TJP2: variants seen among roughly 807,000 people sequenced by gnomAD.
TJP2 encodes tight junction protein 2.
A neutral mutation model predicts 133.1 loss-of-function variants in TJP2; 91 were observed. The ratio of observed to expected loss-of-function variants is 0.68; its 90% CI spans 0.58 to 0.81. The LOEUF is 0.81. Among genes scored for constraint, TJP2 ranks in the 40% least tolerant of loss-of-function variants. The pLI, the probability that TJP2 is intolerant of heterozygous loss-of-function variation, is 0.00. For missense variants in TJP2, 1,541 were observed against 1,565.6 expected (o/e 0.98, Z 0.26); for synonymous variants, 592 against 583.4 (o/e 1.01, Z -0.21).
At chr9:69,250,929 A>T in intron 20 of TJP2, 106 bp from the exon 21 acceptor site, 1 of 1,179,964 alleles carries the variant, frequency 8.5e-7, no homozygotes, top group Non-Finnish European at 1.3e-6. Context: ...GTATTTGTGG[A>T]CCACCTTTGG....
chr9:69,177,500 T>C (rs1825181626), intron 1 of TJP2, among the ~76,000 whole-genome samples: 1 of 152,162 alleles, frequency 6.6e-6, no homozygotes. Context: ...TAGATGCCCA[T>C]ATAGAAAGTG....
chr9:69,190,780 C>A (rs1235913252), intron 1 of TJP2, among the ~76,000 whole-genome samples: 1 of 152,200 alleles, frequency 6.6e-6, no homozygotes, highest in Non-Finnish European at 1.5e-5. Context: ...TGGTGGTTGG[C>A]AAGCTACATA....
At chr9:69,158,797 T>A (rs975772519) in intron 2 of TJP2, among the ~76,000 whole-genome samples, 13 of 152,158 alleles carry the variant, frequency 8.5e-5, no homozygotes, top group Admixed American at 3.3e-4. Flanking sequence ...AAAATTGAGA[T>A]GAAGAATTTG....
exon 1 of TJP2, chr9:69,121,479 A>C: frequency 2.6e-5 from 10 of 382,280 alleles, no homozygotes; most frequent in Non-Finnish European, 3.2e-5. Flanking sequence ...CAAACCTCTA[A>C]ACAGGAAATA....
Position 69,248,210 on chromosome 9 carries a change from G to T in TJP2, c.2866G>T (p.Val956Leu), listed in dbSNP as rs773004575. 2 of 1,603,050 alleles carry T rather than the reference G, an allele frequency of 1.2e-6. No homozygotes were observed. Among genetic ancestry groups the T allele is most frequent in the South Asian group, 1.1e-5 (1 of 90,030 alleles). Residue 956 changes from valine (V) to leucine (L), a missense_variant, in exon 19 of 23, where the codon GTG becomes TTG. Val to Leu is a conservative substitution (Grantham distance 32). Transcript: ENST00000377245. ...VSSITRSSEP[V>L]QHEESIRKPS... Reference sequence around the variant, plus strand: ...GTCCATCACCCGCTCCTCGGAGCCGGTGCAGCACGAGGAGGTGAGGCGAGG... The same window carrying T: ...GTCCATCACCCGCTCCTCGGAGCCGTTGCAGCACGAGGAGGTGAGGCGAGG...
At chr9:69,237,237 A>G in intron 14 of TJP2, 101 bp downstream of exon 14, 2 of 1,392,308 alleles carry the variant, frequency 1.4e-6, no homozygotes, top group Non-Finnish European at 2.0e-6. Flanking sequence ...TATGTATGTC[A>G]GTTATGCCAA....
intron 21 of TJP2, among the ~76,000 whole-genome samples, chr9:69,251,807 G>A (rs1831355045): frequency 1.3e-5 from 2 of 152,100 alleles, no homozygotes. Context: ...TATGCACATA[G>A]AACTTTTCAA....
At chr9:69,189,581 T>C (rs11145615) in intron 1 of TJP2, among the ~76,000 whole-genome samples, 131,907 of 144,386 alleles carry the variant, frequency 0.91, 60,451 homozygotes, top group Middle Eastern at 0.95. Flanking sequence ...GATTGTCCTG[T>C]GAATAGGAAT....
At chr9:69,151,708 C>T in exon 2 of TJP2, 1 of 1,232,066 alleles carries the variant, frequency 8.1e-7, no homozygotes, top group Non-Finnish European at 1.0e-6. Flanking sequence ...ACCCCGGCTG[C>T]AGCTCCAGGA....
intron 1 of TJP2, among the ~76,000 whole-genome samples, chr9:69,201,278 G>A (rs1020154897): frequency 9.9e-5 from 15 of 152,218 alleles, no homozygotes; most frequent in African/African-American, 3.4e-4. Context: ...ACCACAAAAT[G>A]TCCTTCTGAT....
intron 1 of TJP2, among the ~76,000 whole-genome samples, chr9:69,188,281 T>C (rs1825984540): frequency 6.6e-6 from 1 of 152,064 alleles, no homozygotes; most frequent in Non-Finnish European, 1.5e-5. Context: ...GCCCTTGGTG[T>C]AGATCTCACT....
At position 69,234,545 on chromosome 9, in the gene TJP2, A is replaced by T; in HGVS notation, c.1778A>T (p.Asp593Val). Residue 593 changes from aspartate to valine, a missense_variant and splice_region_variant, in exon 12 of 23, where the codon GAT (aspartate) becomes GTT (valine). Physicochemically the swap from Asp to Val is radical, Grantham distance 152. Coordinates refer to ENST00000377245, the MANE Select transcript of TJP2 (RefSeq NM_004817.4). ...ACCATTTTAGCTCAGAGCCGAGCCG[A>T]TGGTGAGCAAATTTGGTCATTTAGT... is the stretch of plus-strand genomic sequence containing the variant. ...MVTILAQSRA[D>V]VYRDILACGR... 1.1e-6 allele frequency: 1 copy of T among 903,082 alleles called. No homozygotes were observed. The highest frequency in any genetic ancestry group is 2.1e-5 in the African/African-American group (1 of 48,606). 55.9% of individuals were successfully genotyped at this position (903,082 alleles called of 1,614,324 possible). A position where few individuals can be genotyped will look rare whatever the true frequency, so the allele number is the denominator to read the frequency against.
chr9:69,231,942 C>T (rs1178013125), intron 11 of TJP2, among the ~76,000 whole-genome samples: 1 of 152,166 alleles, frequency 6.6e-6, no homozygotes, highest in South Asian at 2.1e-4. Context: ...AGCTTTTGCT[C>T]ATTAAGGTTC....
At chr9:69,221,865 T>C (rs1172488396) in intron 5 of TJP2, among the ~76,000 whole-genome samples, 63 of 80,176 alleles carry the variant, frequency 7.9e-4, no homozygotes, top group African/African-American at 3.4e-3. Flanking sequence ...AATAGCTACT[T>C]TTTTTTTTTT....
chr9:69,252,768 G>C (rs368221601), intron 21 of TJP2, 47 bp from the exon 22 acceptor site: 4 of 1,568,392 alleles, frequency 2.6e-6, no homozygotes, highest in Non-Finnish European at 1.8e-6. Flanking sequence ...AGAGTGCCCA[G>C]TGGTTCATTC....
intron 17 of TJP2, among the ~76,000 whole-genome samples, chr9:69,243,727 T>C (rs1037174912): frequency 2.6e-5 from 4 of 152,206 alleles, no homozygotes; most frequent in Non-Finnish European, 5.9e-5. Context: ...ATAGACTAGC[T>C]AGTTGACCAC....
At chr9:69,216,093 C>G (rs572286859) in intron 2 of TJP2, among the ~76,000 whole-genome samples, 1 of 152,330 alleles carries the variant, frequency 6.6e-6, no homozygotes, top group East Asian at 1.9e-4. Flanking sequence ...GTGATAACTC[C>G]AGTCTGCACT....
intron 1 of TJP2, among the ~76,000 whole-genome samples, chr9:69,142,952 AG>A (rs1240093525): frequency 5.9e-5 from 9 of 152,236 alleles, no homozygotes; most frequent in Admixed American, 2.6e-4. Context: ...AGAATTATGA[AG>A]TGTCATATCT....
intron 1 of TJP2, among the ~76,000 whole-genome samples, chr9:69,137,275 C>T (rs1490861376): frequency 2.2e-4 from 20 of 89,214 alleles, no homozygotes; most frequent in African/African-American, 6.8e-4. Flanking sequence ...CTTTCTTTTT[C>T]TTTCTTTCTT....
Sources: gnomAD v4.1 joint callset for allele counts (sites outside exome capture counted in the v4.1 genomes callset) on GRCh38, gnomAD v4.1.1 for gene constraint, MANE v1.5 for transcripts, NCBI Gene and HGNC (gene_info 2026-07-23, HGNC 2026-07-21) for gene names.